The following MPPED1 variants were observed in gnomAD, a reference collection of about 807,000 sequenced individuals.
MPPED1 encodes the protein metallophosphoesterase domain containing 1.
In MPPED1, 16 loss-of-function variants were observed where a neutral mutation model predicts 36.2. That is an observed-to-expected ratio of 0.44 (90% CI 0.30 to 0.67). The LOEUF (loss-of-function observed/expected upper bound fraction) is 0.67, where lower values mean the gene tolerates loss of function less well. Ranked by LOEUF, MPPED1 falls within the 30% of genes least tolerant of loss-of-function variation. The pLI is 0.10. For synonymous variants in MPPED1, 199 were observed against 191.3 expected, an observed-to-expected ratio of 1.04 and a Z score of -0.33; for missense variants, 307 against 453.4, an observed-to-expected ratio of 0.68 and a Z score of 2.93.
intron 3 of MPPED1, among the ~76,000 whole-genome samples, chr22:43,462,039 TG>T (rs1197251649): frequency 6.6e-6 from 1 of 152,058 alleles, no homozygotes; most frequent in African/African-American, 2.4e-5. Flanking sequence ...TTGAACCTGG[TG>T]CCAGAGTCAT....
Position 43,432,692 on chromosome 22 carries a change from AGGGAGGAGAGAGAGAGAAG to A in MPPED1, c.225-2323_225-2305del, listed in dbSNP as rs1929773556. Among the ~76,000 whole-genome samples, 14 of 25,768 alleles carry A rather than the reference AGGGAGGAGAGAGAGAGAAG, an allele frequency of 5.4e-4. 5 individuals are homozygous for A. Among genetic ancestry groups the A allele is most frequent in the African/African-American group, 8.6e-4 (3 of 3,480 alleles). 16.9% of individuals were successfully genotyped at this position (25,768 alleles called of 152,430 possible). ...AGAGAAAGGGAGGAGAGAGAGAGAA[AGGGAGGAGAGAGAGAGAAG>A]GGGAGGAGAGAGAGAGAAAGGGAGG... is the stretch of plus-strand genomic sequence containing the variant. On this transcript the variant is annotated intron_variant, in intron 2 of 6. Coordinates refer to ENST00000443721, the MANE Select transcript of MPPED1 (RefSeq NM_001044370.2).
At chr22:43,487,191 G>T (rs917941111) in intron 4 of MPPED1, among the ~76,000 whole-genome samples, 2 of 152,204 alleles carry the variant, frequency 1.3e-5, no homozygotes, top group African/African-American at 4.8e-5. Context: ...GGGGACACCT[G>T]TGCTGGGGGA....
rs1186421992 is a variant in MPPED1, at chr22:43,502,098, C to T, written c.749-546C>T. Reference sequence around the variant, plus strand: ...AGGAGGCTGGCAGCGGGGGCAGGCGCAGGCGCAGCCACGTGAGCGATGCTG... The same window carrying T: ...AGGAGGCTGGCAGCGGGGGCAGGCGTAGGCGCAGCCACGTGAGCGATGCTG... On this transcript the variant is annotated intron_variant, in intron 5 of 6. Coordinates refer to ENST00000443721, the MANE Select transcript of MPPED1 (RefSeq NM_001044370.2). The surrounding 1 kb of genome is among the most constrained non-coding windows in gnomAD (Gnocchi z 5.5). Among the ~76,000 whole-genome samples, 1 of 152,166 alleles carries T rather than the reference C, an allele frequency of 6.6e-6. No homozygotes were observed. Among genetic ancestry groups the T allele is most frequent in the East Asian group, 1.9e-4 (1 of 5,178 alleles).
intron 5 of MPPED1, among the ~76,000 whole-genome samples, chr22:43,501,485 G>A (rs932008405): frequency 9.3e-5 from 14 of 151,256 alleles, no homozygotes; most frequent in East Asian, 2.0e-4. Context: ...TTCACACACC[G>A]CCCGGCTCCT....
At chr22:43,453,108 C>A (rs1930631829) in intron 3 of MPPED1, among the ~76,000 whole-genome samples, 1 of 151,980 alleles carries the variant, frequency 6.6e-6, no homozygotes, top group Non-Finnish European at 1.5e-5. Context: ...CGCTACCACG[C>A]CCGGCTAATT....
At chr22:43,470,168 A>T (rs1344529865) in intron 3 of MPPED1, among the ~76,000 whole-genome samples, 1 of 151,522 alleles carries the variant, frequency 6.6e-6, no homozygotes, top group Non-Finnish European at 1.5e-5. Context: ...ATATCCATAC[A>T]TATATAAAGC....
chr22:43,499,329 G>A (rs1271014509), intron 5 of MPPED1, among the ~76,000 whole-genome samples: 5 of 121,902 alleles, frequency 4.1e-5, no homozygotes, highest in Non-Finnish European at 5.7e-5. Context: ...GACGTGGGAG[G>A]TGGTGGTGGT....
intron 2 of MPPED1, among the ~76,000 whole-genome samples, chr22:43,431,772 T>TAG (rs2146827991): frequency 6.6e-6 from 1 of 152,360 alleles, no homozygotes; most frequent in South Asian, 2.1e-4. Context: ...TGGGGATCAT[T>TAG]GAAATCATTA....
At chr22:43,443,326 T>C (rs1930219009) in intron 3 of MPPED1, among the ~76,000 whole-genome samples, 1 of 151,978 alleles carries the variant, frequency 6.6e-6, no homozygotes, top group African/African-American at 2.4e-5. Context: ...GAGGACAAGG[T>C]CTGATTCGGG....
chr22:43,485,109 C>T (rs897605292), intron 4 of MPPED1, among the ~76,000 whole-genome samples: 2 of 152,046 alleles, frequency 1.3e-5, no homozygotes, highest in African/African-American at 4.8e-5. Context: ...TGCACGTTCA[C>T]ACATGTACAC....
At chr22:43,483,503 G>T (rs757312119) in intron 4 of MPPED1, among the ~76,000 whole-genome samples, 2 of 152,256 alleles carry the variant, frequency 1.3e-5, no homozygotes, top group Non-Finnish European at 2.9e-5. Context: ...CACGCCCTCG[G>T]TGCCTCCTCC....
intron 2 of MPPED1, among the ~76,000 whole-genome samples, chr22:43,433,262 C>T (rs1929829625): frequency 6.6e-6 from 1 of 152,106 alleles, no homozygotes; most frequent in South Asian, 2.1e-4. Flanking sequence ...GCGCCCTGTC[C>T]CCTCTGCTGC....
At chr22:43,439,123 C>G (rs1388084451) in intron 3 of MPPED1, among the ~76,000 whole-genome samples, 1 of 152,218 alleles carries the variant, frequency 6.6e-6, no homozygotes, top group Non-Finnish European at 1.5e-5. Flanking sequence ...CGGACTCTAA[C>G]TTGCTGTGAG....
At chr22:43,504,215 G>C (rs1023285138) in intron 6 of MPPED1, among the ~76,000 whole-genome samples, 1 of 152,050 alleles carries the variant, frequency 6.6e-6, no homozygotes, top group African/African-American at 2.4e-5. Context: ...CGCAATGGTG[G>C]TGATGATGAT....
Position 43,450,273 on chromosome 22 carries a change from G to A in MPPED1, c.406+15058G>A, listed in dbSNP as rs113883549. Reference sequence around the variant, plus strand: ...AGGGGCCAGGGGAAAGGAATGGGCAGGCCCCCTCCCGGTCCTGCCTGGCCA... The same window carrying A: ...AGGGGCCAGGGGAAAGGAATGGGCAAGCCCCCTCCCGGTCCTGCCTGGCCA... On this transcript the variant is annotated intron_variant, in intron 3 of 6. Coordinates refer to ENST00000443721, the MANE Select transcript of MPPED1 (RefSeq NM_001044370.2). Among the ~76,000 whole-genome samples the A allele has an allele frequency of 1.9e-4, 29 of 152,348 alleles. 1 individual carries two copies. Among genetic ancestry groups the A allele is most frequent in the African/African-American group, 6.7e-4 (28 of 41,592 alleles).
intron 2 of MPPED1, 52 bp downstream of exon 2, chr22:43,425,261 G>A (rs756819535): frequency 1.2e-5 from 18 of 1,504,686 alleles, no homozygotes; most frequent in Non-Finnish European, 1.6e-5. Context: ...CCCCTGGGGT[G>A]GGTGCATGGT....
At chr22:43,442,037 G>A (rs1930165506) in intron 3 of MPPED1, among the ~76,000 whole-genome samples, 1 of 152,162 alleles carries the variant, frequency 6.6e-6, no homozygotes, top group Non-Finnish European at 1.5e-5. Flanking sequence ...CAGCTCACAG[G>A]CATGGTAATT....
chr22:43,460,126 G>C (rs1428372459), intron 3 of MPPED1, among the ~76,000 whole-genome samples: 1 of 152,046 alleles, frequency 6.6e-6, no homozygotes, highest in African/African-American at 2.4e-5. Flanking sequence ...AGATTTGCTT[G>C]AACCTGGGAG....
At chr22:43,428,016 C>T (rs1038169657) in intron 2 of MPPED1, among the ~76,000 whole-genome samples, 4 of 152,124 alleles carry the variant, frequency 2.6e-5, no homozygotes, top group Admixed American at 6.5e-5. Flanking sequence ...GGGCAGCAAG[C>T]GTTCAGCATT....
Sources: allele counts gnomAD v4.1 joint callset (sites outside exome capture counted in the v4.1 genomes callset), GRCh38; gene constraint gnomAD v4.1.1; non-coding constraint Gnocchi (gnomAD v3.1); transcripts MANE v1.5; gene names NCBI Gene and HGNC (gene_info 2026-07-23, HGNC 2026-07-21).